Variants in NHS observed in about 807,000 individuals in gnomAD.
The protein encoded by NHS is actin remodeling regulator NHS.
In NHS, 5 loss-of-function variants were observed where a neutral mutation model predicts 72.5. The ratio of observed to expected loss-of-function variants is 0.07; its 90% confidence interval spans 0.04 to 0.14. The LOEUF (loss-of-function observed/expected upper bound fraction) is 0.14, where lower values mean the gene tolerates loss of function less well. NHS is among the 10% of genes least tolerant of loss of function. The pLI is 1.00. For synonymous variants in NHS, 464 were observed against 547.7 expected (o/e 0.85, Z 2.13); for missense variants, 1,072 against 1,355.7 (o/e 0.79, Z 3.29).
intron 1 of NHS, among the ~76,000 whole-genome samples, chrX:17,392,289 A>G (rs920805578): frequency 1.8e-5 from 2 of 112,170 alleles, no homozygotes; most frequent in South Asian, 3.7e-4. Context: ...ATGAAAGGCT[A>G]TCTGCCAACA....
At chrX:17,488,298 G>T in intron 1 of NHS, among the ~76,000 whole-genome samples, 1 of 111,828 alleles carries the variant, frequency 8.9e-6, no homozygotes, top group Non-Finnish European at 1.9e-5. Context: ...GAAATTTCCA[G>T]ATGCTTACAG....
At chrX:17,480,364 T>C (rs2064941344) in intron 1 of NHS, among the ~76,000 whole-genome samples, 1 of 111,707 alleles carries the variant, frequency 9.0e-6, no homozygotes. Context: ...AGGCATTATT[T>C]TACCTGACTT....
At chrX:17,683,216 G>C (rs1033902210) in intron 1 of NHS, among the ~76,000 whole-genome samples, 1 of 112,085 alleles carries the variant, frequency 8.9e-6, no homozygotes, top group Non-Finnish European at 1.9e-5. Flanking sequence ...TCTGTTTGTG[G>C]TGTTGTCTTT....
chrX:17,648,168 G>A (rs765397428), intron 1 of NHS, among the ~76,000 whole-genome samples: 1 of 111,735 alleles, frequency 8.9e-6, no homozygotes, highest in East Asian at 2.8e-4. Context: ...GTCTGGGATG[G>A]CTCAGTTAAG....
At chrX:17,539,172 G>C (rs920767942) in intron 1 of NHS, among the ~76,000 whole-genome samples, 1 of 111,394 alleles carries the variant, frequency 9.0e-6, no homozygotes, top group Non-Finnish European at 1.9e-5. Flanking sequence ...TGTTCCCTCT[G>C]CCTGGAATGC....
intron 1 of NHS, among the ~76,000 whole-genome samples, chrX:17,621,898 G>T (rs1425526880): frequency 8.9e-6 from 1 of 111,936 alleles, no homozygotes; most frequent in Non-Finnish European, 1.9e-5. Context: ...GGACTGAAGA[G>T]TACTTTGAGC....
intron 1 of NHS, among the ~76,000 whole-genome samples, chrX:17,480,674 C>T (rs1224612197): frequency 1.8e-5 from 2 of 111,479 alleles, no homozygotes; most frequent in Non-Finnish European, 3.8e-5. Flanking sequence ...AAAACCATGA[C>T]GTTTTAATTA....
chrX:17,463,785 C>A (rs2064859610), intron 1 of NHS, among the ~76,000 whole-genome samples: 1 of 112,057 alleles, frequency 8.9e-6, no homozygotes, highest in African/African-American at 3.2e-5. Context: ...GGAAATTGTC[C>A]ATTTTTATGC....
chrX:17,616,683 A>T (rs2065748825), intron 1 of NHS, among the ~76,000 whole-genome samples: 1 of 112,795 alleles, frequency 8.9e-6, no homozygotes, highest in Admixed American at 9.4e-5. Flanking sequence ...CTTGATATGT[A>T]TTTAGATTTC....
intron 1 of NHS, among the ~76,000 whole-genome samples, chrX:17,512,638 A>C (rs7051308): frequency 0.32 from 35,226 of 111,471 alleles, 4,248 homozygotes; most frequent in East Asian, 0.42. Context: ...TTCAGACAAA[A>C]TGGCACATAA....
chrX:17,634,855 G>A (rs756106319), intron 1 of NHS, among the ~76,000 whole-genome samples: 4 of 111,780 alleles, frequency 3.6e-5, no homozygotes, highest in African/African-American at 9.8e-5. Flanking sequence ...GTTGAATAGC[G>A]CACCCTCACA....
intron 1 of NHS, among the ~76,000 whole-genome samples, chrX:17,454,735 TGAA>T (rs925859565): frequency 6.3e-5 from 7 of 111,804 alleles, no homozygotes; most frequent in East Asian, 5.7e-4. Context: ...TGAAAACACT[TGAA>T]GAAGAACAAA....
intron 1 of NHS, among the ~76,000 whole-genome samples, chrX:17,445,965 T>C (rs1351632695): frequency 9.0e-6 from 1 of 110,643 alleles, no homozygotes; most frequent in Admixed American, 9.7e-5. Flanking sequence ...TCCTCCCAAT[T>C]CTTAGTCTTT....
chrX:17,716,970 T>A (rs2066367946), intron 3 of NHS, among the ~76,000 whole-genome samples: 1 of 106,830 alleles, frequency 9.4e-6, no homozygotes, highest in African/African-American at 3.4e-5. Context: ...CTCTTTTTTT[T>A]TTTTTTTTTC....
intron 1 of NHS, among the ~76,000 whole-genome samples, chrX:17,664,006 CTAAT>C (rs1454871854): frequency 2.3e-5 from 2 of 88,255 alleles, no homozygotes; most frequent in African/African-American, 8.4e-5. Context: ...TGTGAGGTGT[CTAAT>C]TAAGCCTTTT....
At position 17,440,617 on chromosome X, in the gene NHS, T is replaced by C. The variant is rs1053304471; in HGVS notation, c.565+64295T>C. ...ATGCCTCTTCACCCTAAGTAAACATTATGGGTTTTCATGACCTTGTAAATT... is the reference window on the plus strand; with the variant it reads ...ATGCCTCTTCACCCTAAGTAAACATCATGGGTTTTCATGACCTTGTAAATT... On this transcript the variant is annotated intron_variant, in intron 1 of 8. Transcript: ENST00000676302. Among the ~76,000 whole-genome samples the C allele has an allele frequency of 2.7e-5, 3 of 111,701 alleles. No individual in the cohort carries two copies. In the Admixed American group the frequency reaches 2.8e-4, roughly 11 times the overall value.
intron 1 of NHS, among the ~76,000 whole-genome samples, chrX:17,673,699 A>G (rs2066063134): frequency 9.0e-6 from 1 of 111,092 alleles, no homozygotes; most frequent in Admixed American, 9.6e-5. Context: ...ACAGTGAACT[A>G]CTCCTGGGAC....
At chrX:17,655,081 G>C (rs1306359331) in intron 1 of NHS, among the ~76,000 whole-genome samples, 1 of 112,062 alleles carries the variant, frequency 8.9e-6, no homozygotes, top group Non-Finnish European at 1.9e-5. Flanking sequence ...GGAGATGAAT[G>C]GGGGGAGGGG....
chrX:17,598,959 G>T lies in NHS; in HGVS notation c.566-88783G>T, dbSNP rs140834226. 2.3e-3 allele frequency among the ~76,000 whole-genome samples: 261 copies of T among 111,164 alleles called. 4 individuals are homozygous for T. The highest frequency in any genetic ancestry group is 0.017 in the Admixed American group (181 of 10,474). Reference sequence around the variant, plus strand: ...CCCGTATACTGATTTTTCCTTCATTGATTAGTTTGAACTGTTTTTTGAACT... The same window carrying T: ...CCCGTATACTGATTTTTCCTTCATTTATTAGTTTGAACTGTTTTTTGAACT... On this transcript the variant is annotated intron_variant, in intron 1 of 8. Coordinates refer to ENST00000676302, the MANE Select transcript of NHS (RefSeq NM_001291867.2).
Sources: allele counts gnomAD v4.1 joint callset (sites outside exome capture counted in the v4.1 genomes callset), GRCh38; gene constraint gnomAD v4.1.1; transcripts MANE v1.5; gene names NCBI Gene and HGNC (gene_info 2026-07-23, HGNC 2026-07-21).